The following ZNF681 variants were observed in gnomAD, a reference collection of about 807,000 sequenced individuals.
The protein encoded by ZNF681 is hypothetical protein FLJ31526.
Under a neutral mutation model 56.0 loss-of-function variants are expected in ZNF681, and 37 were observed. The observed-to-expected ratio is 0.66, with a 90% CI of 0.51 to 0.87. The LOEUF (loss-of-function observed/expected upper bound fraction) is 0.87, where lower values mean the gene tolerates loss of function less well. ZNF681 is among the 40% of genes least tolerant of loss of function. ZNF681 has a pLI of 0.00. For synonymous variants in ZNF681, 225 were observed against 248.6 expected (o/e 0.91, Z 0.89); for missense variants, 741 against 744.9 (o/e 0.99, Z 0.06).
At chr19:23,756,853 GATA>G (rs566480349) in intron 1 of ZNF681, among the ~76,000 whole-genome samples, 96 of 151,942 alleles carry the variant, frequency 6.3e-4, no homozygotes, top group African/African-American at 2.0e-3. Flanking sequence ...AGAAATAAAT[GATA>G]ATAAAAATTA....
Position 23,743,744 on chromosome 19 carries a change from G to T in ZNF681, c.1806C>A (p.Ser602=). ...TTTTCTTATGTCCAGTAAGGTTTGA[G>T]GACTGGTTAAAAGCTTTGCCACATT... ...CEKCGKAFNQ[S]SNLTGHKKIH... The change falls in exon 4 of 4, where the codon TCC becomes TCA. Residue 602 remains serine, a synonymous_variant. Transcript: ENST00000402377. 1 of 1,608,874 alleles carries T rather than the reference G, an allele frequency of 6.2e-7. No individual in the cohort carries two copies. The highest frequency in any genetic ancestry group is 1.1e-5 in the South Asian group (1 of 90,428).
chr19:23,739,275 A>G lies in ZNF681; in HGVS notation c.*4337T>C, dbSNP rs1000586136. The G allele has an allele frequency of 4.6e-5, 7 of 152,186 alleles. No individual in the cohort carries two copies. The highest frequency in any genetic ancestry group is 1.7e-4 in the African/African-American group (7 of 41,450). The allele number at this position is 152,186 out of a possible 1,614,324, so 9.4% of individuals were successfully genotyped here. A position where few individuals can be genotyped will look rare whatever the true frequency, so the allele number is the denominator to read the frequency against. Reference sequence around the variant, plus strand: ...ATTTCACTTACATGATTCTAGAAAAATTAATCTAACTGAAGTGGAGAATAA... The same window carrying G: ...ATTTCACTTACATGATTCTAGAAAAGTTAATCTAACTGAAGTGGAGAATAA... On this transcript the variant is annotated 3_prime_UTR_variant, in exon 4 of 4. Transcript: ENST00000402377.
In ZNF681 at chr19:23,747,151, G is replaced by A. The variant is rs187507790; in HGVS notation, c.227-1828C>T. ...AAATAAATGTAAGAAAATAAAAATT[G>A]TACACTAAATGTTTTCTGACTAAGA... On this transcript the variant is annotated intron_variant, in intron 3 of 3. Coordinates refer to ENST00000402377, the MANE Select transcript of ZNF681 (RefSeq NM_138286.3). Among the ~76,000 whole-genome samples, 1,063 of 152,090 alleles carry A rather than the reference G, an allele frequency of 7.0e-3. 6 individuals are homozygous for A. The highest frequency in any genetic ancestry group is 0.01 in the Non-Finnish European group (703 of 67,982).
rs1568310054 is a variant in ZNF681 at position 23,745,343 on chromosome 19, C to T, written c.227-20G>A. 6.7e-7 allele frequency: 1 copy of T among 1,488,780 alleles called. No individual in the cohort carries two copies. The highest frequency in any genetic ancestry group is 2.3e-5 in the East Asian group (1 of 42,718). The allele number at this position is 1,488,780 out of a possible 1,614,324, so 92.2% of individuals were successfully genotyped here. A position where few individuals can be genotyped will look rare whatever the true frequency, so the allele number is the denominator to read the frequency against. On this transcript the variant is annotated intron_variant, in intron 3 of 3. Transcript: ENST00000402377. ...AAATAACTGAAAGAAATAAAAATAA[C>T]AAATGACTCCACTTGATAAGACTCT...
intron 3 of ZNF681, among the ~76,000 whole-genome samples, chr19:23,753,277 T>C (rs772235170): frequency 1.3e-5 from 2 of 152,304 alleles, no homozygotes; most frequent in Non-Finnish European, 2.9e-5. Context: ...CATGTGCCTA[T>C]AGTCCCAGCT....
chr19:23,756,644 G>C (rs1969124113), intron 1 of ZNF681, among the ~76,000 whole-genome samples: 1 of 151,914 alleles, frequency 6.6e-6, no homozygotes, highest in South Asian at 2.1e-4. Flanking sequence ...GCCAGTCGGG[G>C]GGTGGAGGGA....
intron 1 of ZNF681, 74 bp from the exon 2 acceptor site, chr19:23,755,625 A>G: frequency 7.3e-7 from 1 of 1,369,150 alleles, no homozygotes; most frequent in Non-Finnish European, 9.6e-7. Flanking sequence ...TGGCCATGGA[A>G]AGAATTTATA....
intron 3 of ZNF681, among the ~76,000 whole-genome samples, chr19:23,753,363 C>T (rs529174892): frequency 1.3e-5 from 2 of 152,422 alleles, no homozygotes; most frequent in South Asian, 4.1e-4. Context: ...CGCACCAGTG[C>T]ACTCCAGCCT....
intron 3 of ZNF681, among the ~76,000 whole-genome samples, chr19:23,747,361 C>A (rs188825341): frequency 6.6e-6 from 1 of 151,858 alleles, no homozygotes; most frequent in Non-Finnish European, 1.5e-5. Flanking sequence ...CCAAAGTGGC[C>A]GGGCGCGGTG....
chr19:23,746,428 A>T (rs1447878075), intron 3 of ZNF681, among the ~76,000 whole-genome samples: 1 of 152,218 alleles, frequency 6.6e-6, no homozygotes, highest in Non-Finnish European at 1.5e-5. Context: ...CAAAGCTTAC[A>T]ATCATGGTGA....
rs1304652921 is a variant in ZNF681, at chr19:23,744,989, T to A, written c.561A>T (p.Gln187His). 1 of 1,598,504 alleles carries A rather than the reference T, an allele frequency of 6.3e-7. No homozygotes were observed. ...KSFCIFSNLT[Q>H]HKIICTRVNF... ...TTACTCTAGTACAAATTATTTTATG[T>A]TGAGTTAGGTTTGAAAATATGCAAA... Residue 187 changes from glutamine to histidine, a missense_variant, in exon 4 of 4, where the codon CAA becomes CAT. Physicochemically the swap from Gln to His is conservative, Grantham distance 24. Transcript: ENST00000402377.
intron 1 of ZNF681, among the ~76,000 whole-genome samples, chr19:23,758,440 G>A (rs1969158113): frequency 6.6e-6 from 1 of 152,154 alleles, no homozygotes; most frequent in African/African-American, 2.4e-5. Flanking sequence ...TCATGAACCC[G>A]GCACCCGTCA....
chr19:23,747,475 T>A (rs1308877027), intron 3 of ZNF681, among the ~76,000 whole-genome samples: 1 of 151,692 alleles, frequency 6.6e-6, no homozygotes, highest in African/African-American at 2.4e-5. Context: ...CCGTCTCTAC[T>A]AAAAATACAA....
In ZNF681 at chr19:23,745,216, G is replaced by A. The variant is rs372030248; in HGVS notation, c.334C>T (p.Gln112Ter). 1.9e-6 allele frequency: 3 copies of A among 1,611,464 alleles called. No homozygotes were observed. The highest frequency in any genetic ancestry group is 2.2e-5 in the South Asian group (2 of 90,210). The change falls in exon 4 of 4, where the codon CAG becomes TAG. Residue 112 changes from glutamine to a stop codon, truncating the protein, a stop_gained. Coordinates refer to ENST00000402377, the MANE Select transcript of ZNF681 (RefSeq NM_138286.3). LOFTEE classifies it high-confidence loss of function. ...CACTCATCCACACTTTTACTTAACT[G>A]TAAATTCTCATGTTCACATTTTCCA... ...RYGKCEHENLQLSKSVDECKV... is the reference protein window; with the variant it reads ...RYGKCEHENL
rs770624607 is a variant in ZNF681, at chr19:23,744,051, T to C, written c.1499A>G (p.His500Arg). Residue 500 changes from histidine (H) to arginine (R), a missense_variant, in exon 4 of 4, where the codon CAT (histidine) becomes CGT (arginine). Physicochemically the swap from His to Arg is conservative, Grantham distance 29. Coordinates refer to ENST00000402377, the MANE Select transcript of ZNF681 (RefSeq NM_138286.3). ...SSILTTHKRIHTGEKSYKCEE... is the reference protein window; with the variant it reads ...SSILTTHKRIRTGEKSYKCEE... ...ACATTTGTAGGATTTCTCTCCAGTA[T>C]GAATTCTCTTATGTGTAGTAAGGAT... The C allele has an allele frequency of 1.2e-6, 2 of 1,613,264 alleles. No individual in the cohort carries two copies. Among genetic ancestry groups the C allele is most frequent in the East Asian group, 2.2e-5 (1 of 44,820 alleles).
intron 3 of ZNF681, among the ~76,000 whole-genome samples, chr19:23,747,595 G>A (rs560330884): frequency 2.8e-3 from 405 of 142,450 alleles, no homozygotes; most frequent in African/African-American, 0.01. Context: ...AGCCGAGATC[G>A]TGCCACTGCA....
intron 1 of ZNF681, among the ~76,000 whole-genome samples, chr19:23,756,308 G>C (rs562995709): frequency 8.7e-6 from 1 of 114,402 alleles, no homozygotes; most frequent in South Asian, 3.5e-4. Context: ...CTGGGCGACA[G>C]AGCGACACTC....
rs149887761 is a variant in ZNF681 at position 23,747,015 on chromosome 19, T to A, written c.227-1692A>T. ...AGTGCATCTCTGTAGTTCCAGCTAGTCAGGAGGCTGAGGTGAAAGGAGCAC... is the reference window on the plus strand; with the variant it reads ...AGTGCATCTCTGTAGTTCCAGCTAGACAGGAGGCTGAGGTGAAAGGAGCAC... On this transcript the variant is annotated intron_variant, in intron 3 of 3. Transcript: ENST00000402377. 5.8e-3 allele frequency among the ~76,000 whole-genome samples: 882 copies of A among 152,212 alleles called. 9 individuals are homozygous for A. The highest frequency in any genetic ancestry group is 1.0e-2 in the Non-Finnish European group (679 of 68,012).
chr19:23,750,639 C>T (rs552492627), intron 3 of ZNF681, among the ~76,000 whole-genome samples: 7 of 151,856 alleles, frequency 4.6e-5, no homozygotes, highest in African/African-American at 1.4e-4. Flanking sequence ...GTCAGAAGTA[C>T]GAGACCAGCC....
Sources: gnomAD v4.1 joint callset for allele counts (sites outside exome capture counted in the v4.1 genomes callset) on GRCh38, gnomAD v4.1.1 for gene constraint, MANE v1.5 for transcripts, NCBI Gene and HGNC (gene_info 2026-07-23, HGNC 2026-07-21) for gene names.